The following DCAF17 variants were observed in gnomAD, a reference collection of about 807,000 sequenced individuals.
The protein encoded by DCAF17 is DDB1 and CUL4 associated factor 17, also known as DDB1- and CUL4-associated factor 17.
DCAF17 carries 48 observed loss-of-function variants against 66.0 expected under a neutral mutation model. The observed-to-expected ratio is 0.73, with a 90% CI of 0.58 to 0.92. DCAF17 has a LOEUF of 0.92. DCAF17 is among the 40% of genes least tolerant of loss of function. The probability of loss-of-function intolerance (pLI) is 0.00; values close to 1 mark genes in which losing one functional copy is unlikely to be tolerated. For missense variants in DCAF17, 562 were observed against 622.8 expected (o/e 0.90, Z 1.04); for synonymous variants, 206 against 214.6 (o/e 0.96, Z 0.35).
At chr2:171,464,788 G>T (rs1377625899) in intron 8 of DCAF17, among the ~76,000 whole-genome samples, 2 of 151,944 alleles carry the variant, frequency 1.3e-5, no homozygotes, top group African/African-American at 2.4e-5. Flanking sequence ...GTTCTTTTTT[G>T]ATTATATTTG....
intron 5 of DCAF17, among the ~76,000 whole-genome samples, chr2:171,452,170 T>G (rs1204916602): frequency 1.3e-5 from 2 of 152,196 alleles, no homozygotes; most frequent in Non-Finnish European, 2.9e-5. Flanking sequence ...TTTCTAACTT[T>G]TAGTTATAGC....
chr2:171,475,630 G>A (rs1313540232), intron 10 of DCAF17, among the ~76,000 whole-genome samples: 1 of 152,176 alleles, frequency 6.6e-6, no homozygotes, highest in Non-Finnish European at 1.5e-5. Context: ...AGGCATGATG[G>A]TGGGCACCTG....
At chr2:171,474,159 T>C in intron 10 of DCAF17, 184 bp downstream of exon 10, 1 of 610,056 alleles carries the variant, frequency 1.6e-6, no homozygotes. Flanking sequence ...ACATTACTGT[T>C]TGTAAATATT....
Position 171,484,031 on chromosome 2 carries a change from C to G in DCAF17, c.*2917C>G, listed in dbSNP as rs2105307160. Reference sequence around the variant, plus strand: ...GATGATTCAGTGTCTAAATTTTGAACAAATTTGGGTAAGATACAAGTCACA... The same window carrying G: ...GATGATTCAGTGTCTAAATTTTGAAGAAATTTGGGTAAGATACAAGTCACA... On this transcript the variant is annotated 3_prime_UTR_variant, in exon 14 of 14. Transcript: ENST00000375255. 1 of 453,708 alleles carries G rather than the reference C, an allele frequency of 2.2e-6. No individual in the cohort carries two copies. The highest frequency in any genetic ancestry group is 2.0e-5 in the African/African-American group (1 of 50,008). 28.1% of individuals were successfully genotyped at this position (453,708 alleles called of 1,614,324 possible).
In DCAF17 at chr2:171,484,661, T is replaced by C. The variant is rs530498334; in HGVS notation, c.*3547T>C. On this transcript the variant is annotated 3_prime_UTR_variant, in exon 14 of 14. Coordinates refer to ENST00000375255, the MANE Select transcript of DCAF17 (RefSeq NM_025000.4). ...AATTTACTGAGTTCTTGCAGACATA[T>C]ACACCTGTGTAACCCAAACCCTTTC... is the stretch of plus-strand genomic sequence containing the variant. 2.2e-5 allele frequency: 10 copies of C among 454,088 alleles called. No individual in the cohort carries two copies. Among genetic ancestry groups the C allele is most frequent in the Non-Finnish European group, 4.4e-5 (10 of 226,774 alleles). 28.1% of individuals were successfully genotyped at this position (454,088 alleles called of 1,614,324 possible). A position where few individuals can be genotyped will look rare whatever the true frequency, so the allele number is the denominator to read the frequency against.
rs1373395760 is a variant in DCAF17 at position 171,482,865 on chromosome 2, A to G, written c.*1751A>G. 4 of 454,082 alleles carry G rather than the reference A, an allele frequency of 8.8e-6. No individual in the cohort carries two copies. The highest frequency in any genetic ancestry group is 7.0e-5 in the Admixed American group (3 of 42,564). The allele number at this position is 454,082 out of a possible 1,614,324, so 28.1% of individuals were successfully genotyped here. On this transcript the variant is annotated 3_prime_UTR_variant, in exon 14 of 14. Coordinates refer to ENST00000375255, the MANE Select transcript of DCAF17 (RefSeq NM_025000.4). ...AACTTACCACTAAGAAACCCCCAGTATGTCACCACTGCCTAAATCTAACTA... is the reference window on the plus strand; with the variant it reads ...AACTTACCACTAAGAAACCCCCAGTGTGTCACCACTGCCTAAATCTAACTA...
At position 171,482,596 on chromosome 2, in the gene DCAF17, A is replaced by G. The variant is rs1334230634; in HGVS notation, c.*1482A>G. The G allele has an allele frequency of 2.2e-6, 1 of 454,098 alleles. No individual in the cohort carries two copies. The highest frequency in any genetic ancestry group is 4.4e-6 in the Non-Finnish European group (1 of 226,782). 28.1% of individuals were successfully genotyped at this position (454,098 alleles called of 1,614,324 possible). ...CAAAGCAGCTGCAATGCTGTGTAAA[A>G]GTAGAGTGTTCATTCTCCATTTCCA... On this transcript the variant is annotated 3_prime_UTR_variant, in exon 14 of 14. Coordinates refer to ENST00000375255, the MANE Select transcript of DCAF17 (RefSeq NM_025000.4).
intron 7 of DCAF17, 67 bp downstream of exon 7, chr2:171,458,142 T>C: frequency 7.0e-7 from 1 of 1,438,022 alleles, no homozygotes; most frequent in African/African-American, 1.4e-5. Flanking sequence ...TGATTTTTTT[T>C]TTTAGTGAGA....
chr2:171,473,605 T>C (rs1696361509), intron 9 of DCAF17, among the ~76,000 whole-genome samples: 1 of 147,094 alleles, frequency 6.8e-6, no homozygotes, highest in Non-Finnish European at 1.5e-5. Flanking sequence ...GCTTGAGATA[T>C]GGTATCTCTT....
chr2:171,455,850 T>G (rs1206594587), intron 6 of DCAF17, among the ~76,000 whole-genome samples: 1 of 152,200 alleles, frequency 6.6e-6, no homozygotes, highest in African/African-American at 2.4e-5. Flanking sequence ...TGCCCACTTT[T>G]TAATGGGGTT....
intron 5 of DCAF17, among the ~76,000 whole-genome samples, chr2:171,452,221 G>A (rs1033730547): frequency 1.3e-5 from 2 of 152,100 alleles, no homozygotes; most frequent in African/African-American, 2.4e-5. Flanking sequence ...TTCTATTGAA[G>A]CAGAGACTGG....
intron 9 of DCAF17, among the ~76,000 whole-genome samples, chr2:171,471,406 A>G (rs1315589170): frequency 6.6e-6 from 1 of 152,228 alleles, no homozygotes; most frequent in East Asian, 1.9e-4. Flanking sequence ...TAAGCTGCCC[A>G]GTATTTCACA....
intron 9 of DCAF17, chr2:171,472,985 A>G (rs1047964594): frequency 4.3e-5 from 9 of 210,430 alleles, no homozygotes; most frequent in Non-Finnish European, 8.6e-5. Context: ...ATGTGATAAC[A>G]TATCAGATGG....
At position 171,434,703 on chromosome 2, in the gene DCAF17, G is replaced by A; in HGVS notation, c.126G>A (p.Gln42=). 1 of 1,473,714 alleles carries A rather than the reference G, an allele frequency of 6.8e-7. No homozygotes were observed. The highest frequency in any genetic ancestry group is 8.9e-7 in the Non-Finnish European group (1 of 1,122,268). The allele number at this position is 1,473,714 out of a possible 1,614,324, so 91.3% of individuals were successfully genotyped here. ...GCATCCTGCGGGCGCTGGTGTGCCA[G>A]GTGACCGCCAGCCGGCCGGGGCGGG... ...NLGILRALVC[Q]ESTKFKNVWT... The change falls in exon 1 of 14, where the codon CAG becomes CAA. Residue 42 remains glutamine, a splice_region_variant and synonymous_variant. Transcript: ENST00000375255.
At chr2:171,474,268 A>G (rs1201010423) in intron 10 of DCAF17, 1 of 392,212 alleles carries the variant, frequency 2.5e-6, no homozygotes, top group African/African-American at 2.0e-5. Context: ...AGGGTTAATA[A>G]GAAAGAAGAG....
Position 171,471,676 on chromosome 2 carries a change from C to T in DCAF17, c.982-2190C>T, listed in dbSNP as rs922554068. On this transcript the variant is annotated intron_variant, in intron 9 of 13. Coordinates refer to ENST00000375255, the MANE Select transcript of DCAF17 (RefSeq NM_025000.4). ...TAGAAATTCTTGAAAAATTGAAACT[C>T]ATTAATTGATTTGATACATAAAATG... Among the ~76,000 whole-genome samples, 5 of 152,104 alleles carry T rather than the reference C, an allele frequency of 3.3e-5. No individual in the cohort carries two copies. In the East Asian group the frequency reaches 5.8e-4, roughly 18 times the overall value.
intron 6 of DCAF17, among the ~76,000 whole-genome samples, chr2:171,457,564 A>G (rs1695330848): frequency 6.6e-6 from 1 of 152,246 alleles, no homozygotes; most frequent in Non-Finnish European, 1.5e-5. Flanking sequence ...TCTCTATTTT[A>G]TAAAGAACAT....
At chr2:171,478,246 T>C (rs1264634150) in intron 12 of DCAF17, among the ~76,000 whole-genome samples, 176 bp downstream of exon 12, 1 of 152,224 alleles carries the variant, frequency 6.6e-6, no homozygotes, top group East Asian at 1.9e-4. Context: ...TCCTCTCTTT[T>C]CATATTGTAA....
chr2:171,445,129 A>G (rs1166726186), intron 3 of DCAF17, among the ~76,000 whole-genome samples: 2 of 143,688 alleles, frequency 1.4e-5, no homozygotes, highest in East Asian at 4.1e-4. Flanking sequence ...TCCTATTCTC[A>G]CTATTTTTTT....
Sources: gnomAD v4.1 joint callset for allele counts (sites outside exome capture counted in the v4.1 genomes callset) on GRCh38, gnomAD v4.1.1 for gene constraint, MANE v1.5 for transcripts, NCBI Gene and HGNC (gene_info 2026-07-23, HGNC 2026-07-21) for gene names.